The following USP24 variants were observed in gnomAD, a reference collection of about 807,000 sequenced individuals.
The protein encoded by USP24 is ubiquitin specific peptidase 24.
USP24 carries 97 observed loss-of-function variants against 361.6 expected under a neutral mutation model. That is an observed-to-expected ratio of 0.27 (90% CI 0.23 to 0.32). The LOEUF (loss-of-function observed/expected upper bound fraction) is 0.32. Among genes scored for constraint, USP24 ranks in the 10% least tolerant of loss-of-function variants. The pLI, the probability that USP24 is intolerant of heterozygous loss-of-function variation, is 1.00. For missense variants in USP24, 2,353 were observed against 3,165.6 expected (o/e 0.74, Z 6.16); for synonymous variants, 1,098 against 1,124.6 (o/e 0.98, Z 0.47).
rs182754531 is a variant in USP24 at position 55,069,114 on chromosome 1, A to C, written c.7801-7T>G. 6.2e-7 allele frequency: 1 copy of C among 1,613,876 alleles called. No individual in the cohort carries two copies. Among genetic ancestry groups the C allele is most frequent in the East Asian group, 2.2e-5 (1 of 44,902 alleles). ...TCATGGGAGATTCTGAACCCTGCAG[A>C]AAAGAAAAGGAAGTTAAAGTTCATA... On this transcript the variant is annotated splice_polypyrimidine_tract_variant and splice_region_variant and intron_variant, in intron 67 of 67. Coordinates refer to ENST00000294383, the MANE Select transcript of USP24 (RefSeq NM_015306.3).
chr1:55,068,635 A>T lies in USP24; in HGVS notation c.*410T>A, dbSNP rs1644860461. The T allele has an allele frequency of 1.2e-5, 2 of 170,602 alleles. No homozygotes were observed. The highest frequency in any genetic ancestry group is 1.2e-5 in the Non-Finnish European group (1 of 80,890). The allele number at this position is 170,602 out of a possible 1,614,324, so 10.6% of individuals were successfully genotyped here. A position where few individuals can be genotyped will look rare whatever the true frequency, so the allele number is the denominator to read the frequency against. ...ACTGCAAGATTAAAAATTTGCCCCC[A>T]CATATCTAAAAGCAGCTTGCTTTTT... On this transcript the variant is annotated 3_prime_UTR_variant, in exon 68 of 68. Coordinates refer to ENST00000294383, the MANE Select transcript of USP24 (RefSeq NM_015306.3).
chr1:55,174,185 A>G (rs1034057686), intron 3 of USP24, among the ~76,000 whole-genome samples: 2 of 152,258 alleles, frequency 1.3e-5, no homozygotes, highest in African/African-American at 2.4e-5. Flanking sequence ...GTAATCACAT[A>G]TCATTCATAC....
At position 55,103,963 on chromosome 1, in the gene USP24, A is replaced by C; in HGVS notation, c.4938T>G (p.Asp1646Glu). 1.9e-6 allele frequency: 3 copies of C among 1,611,400 alleles called. No individual in the cohort carries two copies. The highest frequency in any genetic ancestry group is 2.5e-6 in the Non-Finnish European group (3 of 1,178,708). Residue 1646 changes from aspartate to glutamate, a missense_variant, in exon 42 of 68, where the codon GAT becomes GAG. By Grantham distance (45) the Asp-to-Glu change is conservative (BLOSUM62 2). This residue lies in a region of USP24 where 949 missense variants were observed against 1,280.5 expected (regional missense o/e 0.74). Coordinates refer to ENST00000294383, the MANE Select transcript of USP24 (RefSeq NM_015306.3). ...AAYEVLVMLA[D>E]SSPSNLQIII... ...TAATTTGAAGATTTGAAGGTGAACT[A>C]TCAGCCAACATCACAAGGACTTCAT...
intron 20 of USP24, among the ~76,000 whole-genome samples, chr1:55,144,772 T>C (rs1344601569): frequency 6.6e-6 from 1 of 151,948 alleles, no homozygotes; most frequent in African/African-American, 2.4e-5. Flanking sequence ...CTGTCTCTAC[T>C]AAAAATAAAA....
chr1:55,098,121 T>C (rs1259413047), intron 46 of USP24, 37 bp from the exon 47 acceptor site: 11 of 1,547,182 alleles, frequency 7.1e-6, no homozygotes, highest in African/African-American at 1.4e-5. Context: ...CAATCAACAA[T>C]GGAATTTAAA....
intron 38 of USP24, 146 bp downstream of exon 38, chr1:55,120,450 A>G (rs1557590763): frequency 3.4e-6 from 3 of 890,162 alleles, no homozygotes; most frequent in Middle Eastern, 7.2e-4. Flanking sequence ...TCCTATCCAA[A>G]TGCCATCTTT....
At position 55,079,525 on chromosome 1, in the gene USP24, A is replaced by G. The variant is rs758752094; in HGVS notation, c.7200+13T>C. ...GGAGGGAAAAAAATGGCTTTAGAATAACAAGTACATACCTCTAACAGGTAA... is the reference window on the plus strand; with the variant it reads ...GGAGGGAAAAAAATGGCTTTAGAATGACAAGTACATACCTCTAACAGGTAA... On this transcript the variant is annotated intron_variant, in intron 60 of 67. Transcript: ENST00000294383. 2 of 1,563,732 alleles carry G rather than the reference A, an allele frequency of 1.3e-6. No homozygotes were observed. The highest frequency in any genetic ancestry group is 2.1e-5 in the Admixed American group (1 of 47,670).
At position 55,147,749 on chromosome 1, in the gene USP24, G is replaced by A. The variant is rs779790897; in HGVS notation, c.2018C>T (p.Thr673Met). 1.2e-6 allele frequency: 2 copies of A among 1,612,610 alleles called. No individual in the cohort carries two copies. Among genetic ancestry groups the A allele is most frequent in the African/African-American group, 1.3e-5 (1 of 75,002 alleles). ...KKNFEIVKLV[T>M]GSLIACHRLA... ...CCGATGACAAGCGATCAAACTTCCC[G>A]TTACCAATTTCACTATTTCAAAATT... The change falls in exon 18 of 68, where the codon ACG (threonine) becomes ATG (methionine). Residue 673 changes from threonine to methionine, a missense_variant. By Grantham distance (81) the Thr-to-Met change is moderately conservative. This residue lies in a region of USP24 where 949 missense variants were observed against 1,280.5 expected (regional missense o/e 0.74). Transcript: ENST00000294383.
intron 41 of USP24, among the ~76,000 whole-genome samples, chr1:55,105,848 G>A (rs568171711): frequency 1.3e-5 from 2 of 152,212 alleles, no homozygotes; most frequent in East Asian, 1.9e-4. Flanking sequence ...TTGTACTTTC[G>A]ACATAATTTT....
At chr1:55,078,889 CA>C (rs1219897022) in intron 60 of USP24, among the ~76,000 whole-genome samples, 4 of 137,852 alleles carry the variant, frequency 2.9e-5, no homozygotes, top group Non-Finnish European at 6.1e-5. Context: ...ATCAGTTTTT[CA>C]AAGGCAAAAG....
At chr1:55,120,481 A>G in intron 38 of USP24, 115 bp downstream of exon 38, 1 of 1,259,488 alleles carries the variant, frequency 7.9e-7, no homozygotes, top group South Asian at 1.8e-5. Flanking sequence ...ATTTCAGAAG[A>G]AGAAAGAAAT....
chr1:55,146,176 G>T, intron 19 of USP24, 67 bp from the exon 20 acceptor site: 2 of 1,144,036 alleles, frequency 1.7e-6, no homozygotes, highest in South Asian at 2.8e-5. Flanking sequence ...ATTCCAAACT[G>T]GAAAAGTAAA....
Position 55,104,038 on chromosome 1 carries a change from A to G in USP24, c.4881-18T>C, listed in dbSNP as rs1283225729. ...TACTACACCTAGAAACAAAAGACAC[A>G]AGTCAATTTCAACAATGAATAATCT... On this transcript the variant is annotated intron_variant, in intron 41 of 67. Transcript: ENST00000294383. 4.4e-6 allele frequency: 7 copies of G among 1,587,142 alleles called. No individual in the cohort carries two copies. The highest frequency in any genetic ancestry group is 1.3e-5 in the African/African-American group (1 of 74,120).
intron 39 of USP24, among the ~76,000 whole-genome samples, chr1:55,108,567 G>A (rs529449833): frequency 6.6e-6 from 1 of 152,250 alleles, no homozygotes; most frequent in East Asian, 1.9e-4. Context: ...ACTGGCTTAC[G>A]GAATACACTC....
intron 38 of USP24, among the ~76,000 whole-genome samples, chr1:55,119,419 G>A (rs548376585): frequency 2.0e-5 from 3 of 152,186 alleles, no homozygotes; most frequent in African/African-American, 7.2e-5. Flanking sequence ...ATGGGGGAGG[G>A]GGAACAGGGA....
rs1648792577 is a variant in USP24 at position 55,165,899 on chromosome 1, C to T, written c.913G>A (p.Asp305Asn). The change falls in exon 7 of 68, where the codon GAT (aspartate) becomes AAT (asparagine). Residue 305 changes from aspartate to asparagine, a missense_variant. Coordinates refer to ENST00000294383, the MANE Select transcript of USP24 (RefSeq NM_015306.3). ...GTTTAACTTACCCCAAGTTCTATAT[C>T]TTCTGAATGGAGCTTGGCTTGGATT... is the stretch of plus-strand genomic sequence containing the variant. Reference protein sequence around the residue: ...AAIQAKLHSEDIELGAVSALI... With the variant: ...AAIQAKLHSENIELGAVSALI... 6.2e-7 allele frequency: 1 copy of T among 1,606,046 alleles called. No homozygotes were observed. The highest frequency in any genetic ancestry group is 1.3e-5 in the African/African-American group (1 of 74,556).
Position 55,214,898 on chromosome 1 carries a change from G to A in USP24, c.216C>T (p.Gly72=). ...PSPGPGGGPR[G]DGGGDGGGGG... is the part of the protein sequence containing the mutation. ...CGCCGCCGCCGTCACCTCCGCCGTC[G>A]CCCCGCGGGCCCCCGCCGGGCCCGG... Residue 72 remains glycine, a synonymous_variant, in exon 1 of 68, where the codon GGC becomes GGT. Transcript: ENST00000294383. 3 of 1,264,754 alleles carry A rather than the reference G, an allele frequency of 2.4e-6. No homozygotes were observed. Among genetic ancestry groups the A allele is most frequent in the South Asian group, 2.7e-5 (1 of 37,230 alleles). 78.3% of individuals were successfully genotyped at this position (1,264,754 alleles called of 1,614,324 possible).
At chr1:55,134,763 A>G (rs1646687892) in intron 28 of USP24, among the ~76,000 whole-genome samples, 1 of 152,242 alleles carries the variant, frequency 6.6e-6, no homozygotes, top group Non-Finnish European at 1.5e-5. Context: ...GCTCCCCAGT[A>G]GAGAACAGGG....
chr1:55,183,248 C>T (rs1644029535), intron 1 of USP24, among the ~76,000 whole-genome samples: 1 of 152,060 alleles, frequency 6.6e-6, no homozygotes, highest in Non-Finnish European at 1.5e-5. Context: ...AGAGAATATC[C>T]TCATTTTTAG....
Sources: gnomAD v4.1 joint callset for allele counts (sites outside exome capture counted in the v4.1 genomes callset) on GRCh38, gnomAD v4.1.1 for gene constraint, gnomAD v4.1.1 regional missense constraint, MANE v1.5 for transcripts, NCBI Gene and HGNC (gene_info 2026-07-23, HGNC 2026-07-21) for gene names.